Variants in ARAP2 observed in about 807,000 individuals in gnomAD.
ARAP2 encodes arf-GAP with Rho-GAP domain, ANK repeat and PH domain-containing protein 2.
A neutral mutation model predicts 194.5 loss-of-function variants in ARAP2; 148 were observed. The observed-to-expected ratio is 0.76, with a 90% CI of 0.67 to 0.87. The LOEUF (loss-of-function observed/expected upper bound fraction) is 0.87. Ranked by LOEUF, ARAP2 falls within the 40% of genes least tolerant of loss-of-function variation. The probability of loss-of-function intolerance (pLI) is 0.00; values close to 1 mark genes in which losing one functional copy is unlikely to be tolerated. For missense variants in ARAP2, 2,128 were observed against 1,989.7 expected, an observed-to-expected ratio of 1.07 and a Z score of -1.32; for synonymous variants, 695 against 683.5, an observed-to-expected ratio of 1.02 and a Z score of -0.26.
intron 27 of ARAP2, among the ~76,000 whole-genome samples, chr4:36,098,773 T>C (rs1716029342): frequency 6.6e-6 from 1 of 152,068 alleles, no homozygotes; most frequent in South Asian, 2.1e-4. Context: ...TCCATGAAGA[T>C]TCTCCCAACT....
intron 9 of ARAP2, among the ~76,000 whole-genome samples, chr4:36,175,114 G>A (rs1468773831): frequency 1.3e-5 from 2 of 152,144 alleles, no homozygotes; most frequent in African/African-American, 4.8e-5. Context: ...AAGCCTTGTT[G>A]CATGTCACTA....
At chr4:36,172,582 T>C (rs1173812352) in intron 9 of ARAP2, among the ~76,000 whole-genome samples, 1 of 152,196 alleles carries the variant, frequency 6.6e-6, no homozygotes, top group African/African-American at 2.4e-5. Context: ...GTTATTCTTA[T>C]GAATTTGCAG....
chr4:36,158,956 G>T, intron 14 of ARAP2, 92 bp from the exon 15 acceptor site: 1 of 1,160,014 alleles, frequency 8.6e-7, no homozygotes, highest in Non-Finnish European at 1.2e-6. Flanking sequence ...TGAGCTAGAA[G>T]AAAAACTACT....
intron 5 of ARAP2, among the ~76,000 whole-genome samples, chr4:36,035,360 C>A (rs1439149782): frequency 6.6e-6 from 1 of 151,814 alleles, no homozygotes; most frequent in Non-Finnish European, 1.5e-5. Context: ...TATTGTGGAC[C>A]ATTTCTTCTC....
At chr4:36,179,853 T>C (rs550357513) in intron 8 of ARAP2, among the ~76,000 whole-genome samples, 91 of 152,248 alleles carry the variant, frequency 6.0e-4, no homozygotes, top group Non-Finnish European at 4.4e-4. Flanking sequence ...CAATTATCAT[T>C]GTTCTTGTTC....
rs376802153 is a variant in ARAP2 at position 36,161,450 on chromosome 4, T to C, written c.2259+15A>G. Reference sequence around the variant, plus strand: ...AACCCCTATCACAACCCCATTCAGGTTAAATAGGACTCACCTCGATGAGTT... The same window carrying C: ...AACCCCTATCACAACCCCATTCAGGCTAAATAGGACTCACCTCGATGAGTT... On this transcript the variant is annotated intron_variant, in intron 12 of 32. Coordinates refer to ENST00000303965, the MANE Select transcript of ARAP2 (RefSeq NM_015230.4). 2.2e-5 allele frequency: 35 copies of C among 1,606,794 alleles called. No individual in the cohort carries two copies. Among genetic ancestry groups the C allele is most frequent in the Non-Finnish European group, 2.8e-5 (33 of 1,173,686 alleles).
intron 5 of ARAP2, among the ~76,000 whole-genome samples, chr4:36,027,689 C>T (rs1469191138): frequency 1.3e-5 from 2 of 152,114 alleles, no homozygotes; most frequent in Non-Finnish European, 2.9e-5. Context: ...CCATCTTCAT[C>T]TCCACCATAG....
chr4:36,158,880 A>C lies in ARAP2; in HGVS notation c.2618-16T>G, dbSNP rs888938249. The C allele has an allele frequency of 1.9e-6, 3 of 1,575,658 alleles. No homozygotes were observed. The highest frequency in any genetic ancestry group is 2.0e-5 in the Admixed American group (1 of 50,676). On this transcript the variant is annotated splice_polypyrimidine_tract_variant and intron_variant, in intron 14 of 32. Coordinates refer to ENST00000303965, the MANE Select transcript of ARAP2 (RefSeq NM_015230.4). ...TGAGGGAAATCTAGAAAAATTAAAG[A>C]AATAAGGCACAAGAAATCTAAAATG...
At chr4:36,234,687 C>T (rs1048393677) in intron 1 of ARAP2, among the ~76,000 whole-genome samples, 1 of 152,208 alleles carries the variant, frequency 6.6e-6, no homozygotes, top group South Asian at 2.1e-4. Flanking sequence ...TTAGTACCTA[C>T]CTCATAGGGC....
chr4:36,153,560 A>T (rs1731514488), intron 15 of ARAP2, among the ~76,000 whole-genome samples: 1 of 152,232 alleles, frequency 6.6e-6, no homozygotes, highest in African/African-American at 2.4e-5. Flanking sequence ...GATTGGCAAG[A>T]GGGATTATTC....
intron 5 of ARAP2, among the ~76,000 whole-genome samples, chr4:36,035,014 A>C (rs1719671997): frequency 6.6e-6 from 1 of 152,072 alleles, no homozygotes. Context: ...CTTTGGCATC[A>C]AAGTTCATCA....
chr4:36,011,159 T>A (rs1714464889), intron 9 of ARAP2, among the ~76,000 whole-genome samples: 1 of 152,166 alleles, frequency 6.6e-6, no homozygotes, highest in Non-Finnish European at 1.5e-5. Context: ...GGACTTGTCT[T>A]GTGAGTGAGA....
At chr4:36,092,791 T>C (rs1749552337) in intron 27 of ARAP2, among the ~76,000 whole-genome samples, 1 of 152,202 alleles carries the variant, frequency 6.6e-6, no homozygotes, top group Admixed American at 6.5e-5. Flanking sequence ...GCTTGTATTA[T>C]ATTTCTTTTG....
Position 36,193,156 on chromosome 4 carries a change from A to G in ARAP2, c.1557+422T>C, listed in dbSNP as rs574854248. 4.6e-5 allele frequency among the ~76,000 whole-genome samples: 7 copies of G among 152,316 alleles called. No individual in the cohort carries two copies. In the East Asian group the frequency reaches 1.3e-3, roughly 29 times the overall value. Reference sequence around the variant, plus strand: ...TATCTTCCATTATTCTCAGCCATAGAGCATGCAATGTGTGTTATGTTGCAG... The same window carrying G: ...TATCTTCCATTATTCTCAGCCATAGGGCATGCAATGTGTGTTATGTTGCAG... On this transcript the variant is annotated intron_variant, in intron 7 of 32. Transcript: ENST00000303965.
intron 5 of ARAP2, among the ~76,000 whole-genome samples, chr4:36,025,694 A>C (rs1180021435): frequency 6.6e-6 from 1 of 151,988 alleles, no homozygotes; most frequent in East Asian, 1.9e-4. Context: ...AAAAAAAAAA[A>C]CCTTGAAATG....
chr4:36,102,366 C>T (rs1426057176), intron 27 of ARAP2, among the ~76,000 whole-genome samples: 2 of 151,984 alleles, frequency 1.3e-5, no homozygotes, highest in Non-Finnish European at 2.9e-5. Flanking sequence ...ATGATATATA[C>T]TCTGGAAAGC....
At chr4:36,063,839 T>C (rs1724874604), downstream of ARAP2, among the ~76,000 whole-genome samples, 1 of 152,220 alleles carries the variant, frequency 6.6e-6, no homozygotes. Context: ...TTTGTTAAGA[T>C]GGTGAAAGTT....
chr4:36,081,327 G>C (rs1237260883), intron 30 of ARAP2, among the ~76,000 whole-genome samples: 1 of 152,110 alleles, frequency 6.6e-6, no homozygotes, highest in Non-Finnish European at 1.5e-5. Flanking sequence ...AGTCATCAGG[G>C]GGAGAATGAA....
At position 36,173,263 on chromosome 4, in the gene ARAP2, C is replaced by T. The variant is rs942897881; in HGVS notation, c.1857+4564G>A. 5.3e-5 allele frequency among the ~76,000 whole-genome samples: 8 copies of T among 152,226 alleles called. No homozygotes were observed. In the South Asian group the frequency reaches 1.0e-3, roughly 20 times the overall value. On this transcript the variant is annotated intron_variant, in intron 9 of 32. Coordinates refer to ENST00000303965, the MANE Select transcript of ARAP2 (RefSeq NM_015230.4). ...AATTGTCTTAACTCTTCCTCTTGTA[C>T]GCTTGCAGAAATTCCTTTCAACTAG...
Sources: gnomAD v4.1 joint callset for allele counts (sites outside exome capture counted in the v4.1 genomes callset) on GRCh38, gnomAD v4.1.1 for gene constraint, MANE v1.5 for transcripts, NCBI Gene and HGNC (gene_info 2026-07-23, HGNC 2026-07-21) for gene names.